The following GMDS variants were observed in gnomAD, a reference collection of about 807,000 sequenced individuals.
GMDS encodes the protein GDP-mannose 4,6-dehydratase.
In GMDS, 20 loss-of-function variants were observed where a neutral mutation model predicts 49.9. The ratio of observed to expected loss-of-function variants is 0.40; its 90% CI spans 0.28 to 0.58. The LOEUF is 0.58. Ranked by LOEUF, GMDS falls within the 20% of genes least tolerant of loss-of-function variation. The probability of loss-of-function intolerance (pLI) is 0.42; values close to 1 mark genes in which losing one functional copy is unlikely to be tolerated. For synonymous variants in GMDS, 177 were observed against 178.6 expected (o/e 0.99, Z 0.07); for missense variants, 362 against 481.4 (o/e 0.75, Z 2.32).
chr6:2,113,926 A>T lies in GMDS; in HGVS notation c.345+1845T>A, dbSNP rs547238192. Among the ~76,000 whole-genome samples the T allele has an allele frequency of 3.9e-5, 6 of 152,246 alleles. No individual in the cohort carries two copies. In the East Asian group the frequency reaches 1.2e-3, roughly 29 times the overall value. ...TTAAGAAAAGCAGCCAAAATACCAT[A>T]AAAAAAGATAAACTTCACATGTGTA... On this transcript the variant is annotated intron_variant, in intron 4 of 10. Transcript: ENST00000380815.
chr6:2,089,779 C>T (rs1773214360), intron 4 of GMDS, among the ~76,000 whole-genome samples: 2 of 152,282 alleles, frequency 1.3e-5, no homozygotes, highest in South Asian at 4.1e-4. Context: ...CTGGACTACC[C>T]AAGCAGTACG....
rs1241286597 is a variant in GMDS, at chr6:2,230,954, G to A, written c.102+14367C>T. 1.9e-3 allele frequency among the ~76,000 whole-genome samples: 18 copies of A among 9,312 alleles called. No individual in the cohort carries two copies. In the East Asian group the frequency reaches 0.02, roughly 11 times the overall value. The allele number at this position is 9,312 out of a possible 152,430, so 6.1% of individuals were successfully genotyped here. A position where few individuals can be genotyped will look rare whatever the true frequency, so the allele number is the denominator to read the frequency against. On this transcript the variant is annotated intron_variant, in intron 1 of 10. Transcript: ENST00000380815. ...TTCCCCCCTCCCACCCCCCCCCCCC[G>A]TTCCTTCCCCTAATACCCAGGGTTG...
intron 1 of GMDS, among the ~76,000 whole-genome samples, chr6:2,226,861 A>C (rs2127592771): frequency 6.6e-6 from 1 of 152,344 alleles, no homozygotes; most frequent in Non-Finnish European, 1.5e-5. Context: ...CCCCAGATGC[A>C]TTCATCCCTG....
intron 7 of GMDS, among the ~76,000 whole-genome samples, chr6:1,764,110 T>C (rs1561789715): frequency 6.6e-6 from 1 of 152,082 alleles, no homozygotes; most frequent in Non-Finnish European, 1.5e-5. Context: ...AAAAAGCTGT[T>C]TGTTTGAAAT....
chr6:2,100,612 A>G (rs748821609), intron 4 of GMDS, among the ~76,000 whole-genome samples: 31 of 152,038 alleles, frequency 2.0e-4, no homozygotes, highest in Non-Finnish European at 3.4e-4. Flanking sequence ...AGTTTGACTA[A>G]TACAAATGGA....
chr6:2,218,882 T>A (rs1780457509), intron 1 of GMDS, among the ~76,000 whole-genome samples: 1 of 152,194 alleles, frequency 6.6e-6, no homozygotes, highest in South Asian at 2.1e-4. Context: ...AGAGCTAACC[T>A]AACACCTGTG....
intron 9 of GMDS, among the ~76,000 whole-genome samples, chr6:1,657,991 C>T (rs537853228): frequency 5.9e-5 from 9 of 152,314 alleles, no homozygotes; most frequent in South Asian, 2.1e-4. Context: ...TGCGTAGCGC[C>T]GGGGTCTGGA....
In GMDS at chr6:1,778,539, A is replaced by T. The variant is rs1269757046; in HGVS notation, c.772-35953T>A. Among the ~76,000 whole-genome samples, 1 of 152,180 alleles carries T rather than the reference A, an allele frequency of 6.6e-6. No individual in the cohort carries two copies. The highest frequency in any genetic ancestry group is 2.4e-5 in the African/African-American group (1 of 41,438). On this transcript the variant is annotated intron_variant, in intron 7 of 10. Transcript: ENST00000380815. The surrounding 1 kb of genome is among the most constrained non-coding windows in gnomAD (Gnocchi z 4.6). ...CCTGGAGTGTTCCAAGATCTAAAAT[A>T]GGTTAGTTTGTAAAACATGCCATAA...
At position 2,037,960 on chromosome 6, in the gene GMDS, T is replaced by C. The variant is rs535704329; in HGVS notation, c.346-76994A>G. Reference sequence around the variant, plus strand: ...CTAGTATAATGGTTGTTTCCAAAGATAAACATTTTAACTATTCCCTGCCAC... The same window carrying C: ...CTAGTATAATGGTTGTTTCCAAAGACAAACATTTTAACTATTCCCTGCCAC... On this transcript the variant is annotated intron_variant, in intron 4 of 10. Coordinates refer to ENST00000380815, the MANE Select transcript of GMDS (RefSeq NM_001500.4). Among the ~76,000 whole-genome samples, 13 of 152,286 alleles carry C rather than the reference T, an allele frequency of 8.5e-5. No individual in the cohort carries two copies. In the East Asian group the frequency reaches 2.1e-3, roughly 25 times the overall value.
chr6:2,140,568 T>C (rs978984281), intron 1 of GMDS, among the ~76,000 whole-genome samples: 12 of 152,162 alleles, frequency 7.9e-5, no homozygotes, highest in Admixed American at 5.2e-4. Flanking sequence ...CAAGCAGTCG[T>C]TCCCAGTCTA....
intron 1 of GMDS, among the ~76,000 whole-genome samples, chr6:2,166,135 G>A (rs1344178078): frequency 2.0e-5 from 3 of 152,166 alleles, no homozygotes; most frequent in African/African-American, 2.4e-5. Context: ...GAGCATTCAC[G>A]TTAACACTCG....
intron 1 of GMDS, among the ~76,000 whole-genome samples, chr6:2,241,975 C>A (rs1349336733): frequency 2.0e-5 from 3 of 152,114 alleles, no homozygotes; most frequent in Non-Finnish European, 4.4e-5. Flanking sequence ...GTTTTGAAAC[C>A]CCACTAGATG....
intron 4 of GMDS, among the ~76,000 whole-genome samples, chr6:2,082,632 G>A (rs76696250): frequency 0.017 from 2,559 of 152,262 alleles, 52 homozygotes; most frequent in South Asian, 0.11. Flanking sequence ...ATCTAAAACA[G>A]TGTTTTTCAA....
intron 9 of GMDS, among the ~76,000 whole-genome samples, chr6:1,645,569 C>T (rs1763461124): frequency 6.6e-6 from 1 of 152,224 alleles, no homozygotes; most frequent in Non-Finnish European, 1.5e-5. Flanking sequence ...TTGCTCTTTT[C>T]CTCCCACTCT....
chr6:2,206,206 C>A (rs148402880), intron 1 of GMDS, among the ~76,000 whole-genome samples: 2 of 151,702 alleles, frequency 1.3e-5, no homozygotes, highest in South Asian at 4.2e-4. Flanking sequence ...TGTGGTGAGC[C>A]AAGATCACAC....
chr6:1,645,230 AG>A (rs1561695546), intron 9 of GMDS, among the ~76,000 whole-genome samples: 1 of 152,140 alleles, frequency 6.6e-6, no homozygotes, highest in Non-Finnish European at 1.5e-5. Context: ...CACCGCGCCC[AG>A]CCTGCTTGAT....
chr6:1,842,408 A>G (rs76491061), intron 7 of GMDS, among the ~76,000 whole-genome samples: 3,873 of 152,268 alleles, frequency 0.025, 167 homozygotes, highest in African/African-American at 0.087. Context: ...ATATGACCCA[A>G]CTCTAGCTAG....
At chr6:2,232,141 T>A (rs574678598) in intron 1 of GMDS, among the ~76,000 whole-genome samples, 2 of 131,034 alleles carry the variant, frequency 1.5e-5, no homozygotes, top group South Asian at 5.3e-4. Context: ...TCTTACATTT[T>A]GGTGTGTAAA....
intron 7 of GMDS, among the ~76,000 whole-genome samples, chr6:1,916,299 C>T (rs115754039): frequency 0.014 from 2,079 of 152,190 alleles, 48 homozygotes; most frequent in African/African-American, 0.047. Context: ...GGGGCGTCTG[C>T]CAGCTGCTCA....
Sources: allele counts gnomAD v4.1 joint callset (sites outside exome capture counted in the v4.1 genomes callset), GRCh38; gene constraint gnomAD v4.1.1; non-coding constraint Gnocchi (gnomAD v3.1); transcripts MANE v1.5; gene names NCBI Gene and HGNC (gene_info 2026-07-23, HGNC 2026-07-21).